The following AHNAK variants were observed in gnomAD, a reference collection of about 807,000 sequenced individuals.
The protein encoded by AHNAK is neuroblast differentiation-associated protein AHNAK.
A neutral mutation model predicts 37.8 loss-of-function variants in AHNAK; 23 were observed. The ratio of observed to expected loss-of-function variants is 0.61; its 90% CI spans 0.44 to 0.86. The LOEUF is 0.86. Among genes scored for constraint, AHNAK ranks in the 40% least tolerant of loss-of-function variants. The pLI, the probability that AHNAK is intolerant of heterozygous loss-of-function variation, is 0.00. For synonymous variants in AHNAK, 2,481 were observed against 2,636.3 expected, an observed-to-expected ratio of 0.94 and a Z score of 1.80; for missense variants, 7,411 against 7,319.4, an observed-to-expected ratio of 1.01 and a Z score of -0.46.
intron 5 of AHNAK, among the ~76,000 whole-genome samples, chr11:62,475,277 T>G (rs1286869233): frequency 6.6e-6 from 1 of 151,418 alleles, no homozygotes; most frequent in East Asian, 1.9e-4. Context: ...CACTCCAACC[T>G]GGGGCAATAG....
chr11:62,532,818 T>C lies in AHNAK; in HGVS notation c.1599A>G (p.Gln533=), dbSNP rs1323360165. 2 of 1,614,088 alleles carry C rather than the reference T, an allele frequency of 1.2e-6. No individual in the cohort carries two copies. The highest frequency in any genetic ancestry group is 1.7e-5 in the Admixed American group (1 of 60,026). ...PGVQGDVKGP[Q]VALKGSRVDI... is the part of the protein sequence containing the mutation. The stretch of plus-strand genomic sequence containing the variant: ...CCACTCTGGAGCCTTTAAGTGCCAC[T>C]TGAGGGCCTTTAACATCACCTTGCA... The change falls in exon 5 of 5, where the codon CAA becomes CAG. Residue 533 remains glutamine (Q), a synonymous_variant. Coordinates refer to ENST00000378024, the MANE Select transcript of AHNAK (RefSeq NM_001620.3).
At chr11:62,475,895 G>A (rs977120831) in intron 5 of AHNAK, among the ~76,000 whole-genome samples, 1 of 152,038 alleles carries the variant, frequency 6.6e-6, no homozygotes, top group African/African-American at 2.4e-5. Context: ...GTGAGCCACC[G>A]CCCCCGGCTA....
At chr11:62,490,475 A>G (rs1018853319) in intron 5 of AHNAK, among the ~76,000 whole-genome samples, 4 of 152,052 alleles carry the variant, frequency 2.6e-5, no homozygotes, top group African/African-American at 7.2e-5. Context: ...TGCTGGGATT[A>G]CAGGCGTCAG....
At chr11:62,505,626 C>G (rs1236933086) in intron 4 of AHNAK, among the ~76,000 whole-genome samples, 1 of 152,048 alleles carries the variant, frequency 6.6e-6, no homozygotes, top group Non-Finnish European at 1.5e-5. Context: ...AGTCCTCTCC[C>G]TCTTTTTCTT....
intron 4 of AHNAK, among the ~76,000 whole-genome samples, chr11:62,505,644 C>G (rs879825267): frequency 3.2e-4 from 49 of 151,990 alleles, no homozygotes; most frequent in Admixed American, 1.3e-3. Flanking sequence ...CTTTCCTTCC[C>G]GCTCCACGCC....
downstream of AHNAK, among the ~76,000 whole-genome samples, chr11:62,513,798 C>A (rs1006654637): frequency 6.6e-6 from 1 of 152,194 alleles, no homozygotes; most frequent in South Asian, 2.1e-4. Flanking sequence ...CAAGTTTGTA[C>A]AGCTAGTTGC....
chr11:62,530,482 T>G lies in AHNAK; in HGVS notation c.3935A>C (p.Lys1312Thr). 1 of 1,613,186 alleles carries G rather than the reference T, an allele frequency of 6.2e-7. No homozygotes were observed. Residue 1312 changes from lysine (K) to threonine (T), a missense_variant, in exon 5 of 5, where the codon AAG (lysine) becomes ACG (threonine). Lys to Thr is a moderately conservative substitution (Grantham distance 78). Coordinates refer to ENST00000378024, the MANE Select transcript of AHNAK (RefSeq NM_001620.3). The part of the protein sequence containing the change: ...PEGKLKGPKF[K>T]MPEMHFKAPK... The stretch of plus-strand genomic sequence containing the variant: ...GGCCTTGAAGTGCATCTCAGGCATC[T>G]TAAACTTGGGGCCCTTCAGCTTTCC...
chr11:62,434,856 G>A lies in AHNAK; in HGVS notation c.443-965C>T, dbSNP rs559916519. Among the ~76,000 whole-genome samples, 8 of 151,230 alleles carry A rather than the reference G, an allele frequency of 5.3e-5. No homozygotes were observed. In the South Asian group the frequency reaches 8.4e-4, roughly 16 times the overall value. ...TAAGGCAGAAGAATCACTTGAATCC[G>A]GGAGGCAGAGGTTGCACAGTGATCC... On this transcript the variant is annotated intron_variant, in intron 5 of 5. Coordinates refer to the AHNAK transcript ENST00000257247.
At chr11:62,472,095 G>A (rs1337438550) in intron 5 of AHNAK, among the ~76,000 whole-genome samples, 4 of 151,684 alleles carry the variant, frequency 2.6e-5, no homozygotes, top group Non-Finnish European at 2.9e-5. Flanking sequence ...GGCTGGCTCC[G>A]TATCAGTCCT....
intron 1 of AHNAK, among the ~76,000 whole-genome samples, chr11:62,540,001 C>T (rs561161527): frequency 6.6e-6 from 1 of 152,364 alleles, no homozygotes; most frequent in South Asian, 2.1e-4. Flanking sequence ...CTCTCCTCCA[C>T]CTCTGGAGCC....
intron 5 of AHNAK, among the ~76,000 whole-genome samples, chr11:62,453,329 C>T (rs1194739204): frequency 7.9e-5 from 12 of 152,118 alleles, no homozygotes; most frequent in Non-Finnish European, 1.0e-4. Context: ...TAATCTCTTC[C>T]ACCTCATCCT....
intron 3 of AHNAK, 62 bp downstream of exon 3, chr11:62,535,883 C>T: frequency 6.4e-7 from 1 of 1,556,860 alleles, no homozygotes; most frequent in Middle Eastern, 2.2e-4. Context: ...CTGCCCTTCC[C>T]TCCAACACCC....
At position 62,532,209 on chromosome 11, in the gene AHNAK, T is replaced by C; in HGVS notation, c.2208A>G (p.Pro736=). 6.2e-7 allele frequency: 1 copy of C among 1,614,150 alleles called. No homozygotes were observed. The highest frequency in any genetic ancestry group is 8.5e-7 in the Non-Finnish European group (1 of 1,180,022). Residue 736 remains proline (P), a synonymous_variant, in exon 5 of 5, where the codon CCA becomes CCG. Coordinates refer to ENST00000378024, the MANE Select transcript of AHNAK (RefSeq NM_001620.3). ...AGTCTGGGCCATGAACATCCACATC[T>C]GGGGCATCAATGTCCACTTTTGGGC... ...LKGPKVDIDA[P]DVDVHGPDWH... is the part of the protein sequence containing the mutation.
At position 62,531,971 on chromosome 11, in the gene AHNAK, G is replaced by A. The variant is rs747760505; in HGVS notation, c.2446C>T (p.Pro816Ser). 6.2e-7 allele frequency: 1 copy of A among 1,614,126 alleles called. No homozygotes were observed. The highest frequency in any genetic ancestry group is 2.2e-5 in the East Asian group (1 of 44,890). ...FKMPEMNIKV[P>S]KISMPDVDLH... ...TCCACATCAGGCATGGAGATCTTGG[G>A]GACTTTGATGTTCATCTCAGGCATC... Residue 816 changes from proline (P) to serine (S), a missense_variant, in exon 5 of 5, where the codon CCC (proline) becomes TCC (serine). By Grantham distance (74) the Pro-to-Ser change is moderately conservative. Transcript: ENST00000378024.
chr11:62,505,421 G>A (rs1939792467), intron 4 of AHNAK, among the ~76,000 whole-genome samples: 1 of 152,130 alleles, frequency 6.6e-6, no homozygotes, highest in African/African-American at 2.4e-5. Context: ...TGAGGGCCCC[G>A]GGCTTGCTGG....
At chr11:62,490,757 G>A (rs912505795) in intron 5 of AHNAK, among the ~76,000 whole-genome samples, 5 of 151,998 alleles carry the variant, frequency 3.3e-5, no homozygotes, top group African/African-American at 1.2e-4. Flanking sequence ...AATGTTGAGA[G>A]GCCATACATT....
chr11:62,447,211 T>C (rs1295633281), intron 5 of AHNAK, among the ~76,000 whole-genome samples: 1 of 152,168 alleles, frequency 6.6e-6, no homozygotes, highest in Admixed American at 6.5e-5. Flanking sequence ...ATTCCCTCCT[T>C]ACTCAAAAGG....
chr11:62,521,506 T>A lies in AHNAK; in HGVS notation c.12911A>T (p.Asp4304Val). 1 of 1,612,626 alleles carries A rather than the reference T, an allele frequency of 6.2e-7. No homozygotes were observed. Among genetic ancestry groups the A allele is most frequent in the Non-Finnish European group, 8.5e-7 (1 of 1,179,710 alleles). Residue 4304 changes from aspartate to valine, a missense_variant, in exon 5 of 5, where the codon GAT becomes GTT. Transcript: ENST00000378024. ...CCAGTCTGGGCCATGAACATCTACA[T>A]CAGGGGCATCGATGTCCACTTTGGG... ...KGPKVDIDAP[D>V]VDVHGPDWHL...
intron 5 of AHNAK, among the ~76,000 whole-genome samples, chr11:62,459,935 T>C (rs1274994380): frequency 2.6e-5 from 4 of 151,460 alleles, no homozygotes; most frequent in Admixed American, 1.3e-4. Context: ...AGGTCAGGAG[T>C]TCAAGGCCAG....
Sources: allele counts gnomAD v4.1 joint callset (sites outside exome capture counted in the v4.1 genomes callset), GRCh38; gene constraint gnomAD v4.1.1; transcripts MANE v1.5; gene names NCBI Gene and HGNC (gene_info 2026-07-23, HGNC 2026-07-21).